Variants in DLGAP1 observed in about 807,000 individuals in gnomAD.
DLGAP1 encodes the protein disks large-associated protein 1.
A neutral mutation model predicts 90.8 loss-of-function variants in DLGAP1; 11 were observed. The observed-to-expected ratio is 0.12, with a 90% CI of 0.08 to 0.20. The LOEUF (loss-of-function observed/expected upper bound fraction) is 0.20. DLGAP1 is among the 10% of genes least tolerant of loss of function. The pLI is 1.00. For synonymous variants in DLGAP1, 558 were observed against 540.7 expected, an observed-to-expected ratio of 1.03 and a Z score of -0.44; for missense variants, 1,050 against 1,333.8, an observed-to-expected ratio of 0.79 and a Z score of 3.31.
intron 1 of DLGAP1, among the ~76,000 whole-genome samples, chr18:4,309,536 A>G (rs1048274260): frequency 3.9e-4 from 59 of 152,208 alleles, no homozygotes; most frequent in Non-Finnish European, 1.3e-4. Flanking sequence ...ATCTTCCCCG[A>G]AACTTTAATC....
At chr18:3,742,286 C>T (rs760622184) in intron 6 of DLGAP1, 49 bp downstream of exon 6, 21 of 1,593,400 alleles carry the variant, frequency 1.3e-5, no homozygotes, top group Non-Finnish European at 1.5e-5. Flanking sequence ...TCTCACTAAC[C>T]TTCCTGCCAC....
At chr18:4,288,044 A>G (rs1228453136) in intron 1 of DLGAP1, among the ~76,000 whole-genome samples, 1 of 129,464 alleles carries the variant, frequency 7.7e-6, no homozygotes, top group African/African-American at 2.9e-5. Context: ...AGGTCAGGAG[A>G]ATAAAGGTGG....
intron 7 of DLGAP1, chr18:3,597,013 A>G (rs754330285): frequency 5.8e-6 from 3 of 519,424 alleles, no homozygotes; most frequent in South Asian, 2.8e-5. Context: ...TCGGCAAAGG[A>G]CCGTGGGAGG....
At chr18:3,627,392 C>A (rs921275625) in intron 7 of DLGAP1, among the ~76,000 whole-genome samples, 1 of 152,142 alleles carries the variant, frequency 6.6e-6, no homozygotes. Context: ...TGAATTTGTT[C>A]AGTCCAATGT....
intron 7 of DLGAP1, among the ~76,000 whole-genome samples, chr18:3,707,464 G>A (rs145931308): frequency 6.6e-6 from 1 of 152,214 alleles, no homozygotes; most frequent in East Asian, 1.9e-4. Context: ...GCCAGATGTG[G>A]TGGTGCGTGC....
At chr18:4,349,219 G>A (rs749334898) in intron 1 of DLGAP1, among the ~76,000 whole-genome samples, 4 of 151,986 alleles carry the variant, frequency 2.6e-5, no homozygotes, top group Non-Finnish European at 5.9e-5. Flanking sequence ...TGCAGTATTC[G>A]TGCAAAAATT....
At chr18:4,054,694 C>T (rs1446754979) in intron 2 of DLGAP1, among the ~76,000 whole-genome samples, 1 of 152,188 alleles carries the variant, frequency 6.6e-6, no homozygotes, top group Non-Finnish European at 1.5e-5. Context: ...GACAATGCTA[C>T]AGGTGCTAAT....
At chr18:4,111,772 T>C (rs762428405) in intron 2 of DLGAP1, among the ~76,000 whole-genome samples, 13 of 151,976 alleles carry the variant, frequency 8.6e-5, no homozygotes, top group Non-Finnish European at 1.9e-4. Context: ...TTTTGTAAGA[T>C]GGGTAGTGCT....
At chr18:3,832,708 A>G (rs2148567878) in intron 4 of DLGAP1, among the ~76,000 whole-genome samples, 1 of 151,570 alleles carries the variant, frequency 6.6e-6, no homozygotes, top group South Asian at 2.1e-4. Flanking sequence ...ATTCTAAGTC[A>G]GGAAAAATAA....
chr18:4,032,928 G>A (rs945543922), intron 2 of DLGAP1, among the ~76,000 whole-genome samples: 10 of 152,094 alleles, frequency 6.6e-5, no homozygotes, highest in African/African-American at 2.2e-4. Context: ...TGTTGGATAA[G>A]TAAATACACA....
rs1455789244 is a variant in DLGAP1 at position 4,342,052 on chromosome 18, G to A, written c.-267+112954C>T. On this transcript the variant is annotated intron_variant, in intron 1 of 12. Transcript: ENST00000315677. This position sits in a 1 kb window ranked among gnomAD's most constrained non-coding sequence, Gnocchi z 5.8. ...ACAAGATCATCTTCAGAATTTCTGA[G>A]CGGATAAAGTCCTCGGCATGCGGTG... is the stretch of plus-strand genomic sequence containing the variant. 6.6e-6 allele frequency among the ~76,000 whole-genome samples: 1 copy of A among 152,018 alleles called. No individual in the cohort carries two copies.
At chr18:4,341,649 G>A (rs2081191138) in intron 1 of DLGAP1, among the ~76,000 whole-genome samples, 1 of 152,040 alleles carries the variant, frequency 6.6e-6, no homozygotes, top group Admixed American at 6.6e-5. Flanking sequence ...CCCTACACCT[G>A]TCTTTTCCAA....
intron 1 of DLGAP1, among the ~76,000 whole-genome samples, chr18:4,274,852 A>G (rs777580041): frequency 1.3e-5 from 2 of 152,208 alleles, no homozygotes; most frequent in African/African-American, 2.4e-5. Context: ...GACTTATTAT[A>G]GAGTAGTGAG....
At chr18:3,787,303 G>A (rs1046226913) in intron 5 of DLGAP1, among the ~76,000 whole-genome samples, 2 of 151,848 alleles carry the variant, frequency 1.3e-5, no homozygotes, top group Non-Finnish European at 2.9e-5. Context: ...CCGATATGGT[G>A]AAACCCCGTC....
chr18:4,265,624 C>CCCTTCCTTCCTTCCTT (rs1439047665), intron 1 of DLGAP1, among the ~76,000 whole-genome samples: 1 of 59,926 alleles, frequency 1.7e-5, no homozygotes, highest in African/African-American at 1.2e-4. Context: ...TCCCTCCCTC[C>CCCTTCCTTCCTTCCTT]CCTTCCCTCC....
intron 7 of DLGAP1, among the ~76,000 whole-genome samples, chr18:3,611,491 T>C (rs953640584): frequency 1.3e-5 from 2 of 152,162 alleles, no homozygotes; most frequent in African/African-American, 4.8e-5. Context: ...TACGTTCTAG[T>C]TAGCAGCCTT....
intron 8 of DLGAP1, chr18:3,571,100 A>C (rs189654068): frequency 1.1e-4 from 16 of 152,048 alleles, no homozygotes. Context: ...AATTTCTTTA[A>C]ATATTTGTAT....
intron 1 of DLGAP1, among the ~76,000 whole-genome samples, chr18:4,444,607 T>A (rs1157959990): frequency 1.3e-5 from 2 of 152,090 alleles, no homozygotes; most frequent in African/African-American, 4.8e-5. Flanking sequence ...ATCAAATGAA[T>A]GATAAAGGAA....
chr18:4,167,641 A>C (rs989393771), intron 1 of DLGAP1, among the ~76,000 whole-genome samples: 3 of 152,214 alleles, frequency 2.0e-5, no homozygotes, highest in Non-Finnish European at 4.4e-5. Context: ...CCAGGATATT[A>C]GCAAGTATAT....
Sources: allele counts gnomAD v4.1 joint callset (sites outside exome capture counted in the v4.1 genomes callset), GRCh38; gene constraint gnomAD v4.1.1; non-coding constraint Gnocchi (gnomAD v3.1); transcripts MANE v1.5; gene names NCBI Gene and HGNC (gene_info 2026-07-23, HGNC 2026-07-21).